The following MBD5 variants were observed in gnomAD, a reference collection of about 807,000 sequenced individuals.
MBD5 encodes the protein methyl-CpG binding domain protein 5.
A neutral mutation model predicts 117.3 loss-of-function variants in MBD5; 13 were observed. That is an observed-to-expected ratio of 0.11 (90% CI 0.07 to 0.18). The LOEUF (loss-of-function observed/expected upper bound fraction) is 0.18, where lower values mean the gene tolerates loss of function less well. MBD5 is among the 10% of genes least tolerant of loss of function. The probability of loss-of-function intolerance (pLI) is 1.00; values close to 1 mark genes in which losing one functional copy is unlikely to be tolerated. For synonymous variants in MBD5, 727 were observed against 766.4 expected (o/e 0.95, Z 0.85); for missense variants, 1,879 against 2,093.8 (o/e 0.90, Z 2.00).
intron 3 of MBD5, among the ~76,000 whole-genome samples, chr2:148,300,540 GAA>G (rs1461848447): frequency 6.6e-6 from 1 of 151,610 alleles, no homozygotes; most frequent in Non-Finnish European, 1.5e-5. Flanking sequence ...TACCTTCCTT[GAA>G]AAGTTTTTCT....
chr2:148,207,684 G>A (rs1376167472), intron 2 of MBD5, among the ~76,000 whole-genome samples: 11 of 101,940 alleles, frequency 1.1e-4, no homozygotes, highest in African/African-American at 2.5e-4. Flanking sequence ...AGAGATACTA[G>A]AAGTTAGGAA....
At chr2:148,157,923 G>T (rs893386106) in intron 1 of MBD5, among the ~76,000 whole-genome samples, 1 of 151,994 alleles carries the variant, frequency 6.6e-6, no homozygotes, top group Non-Finnish European at 1.5e-5. Context: ...TATTCATCAC[G>T]ATGGAAATGT....
At chr2:148,316,244 A>G (rs970935924) in intron 3 of MBD5, among the ~76,000 whole-genome samples, 2 of 152,180 alleles carry the variant, frequency 1.3e-5, no homozygotes, top group Non-Finnish European at 2.9e-5. Context: ...CCAAATCACA[A>G]CACCTGCTTT....
At chr2:148,287,639 A>T (rs1701394265) in intron 3 of MBD5, among the ~76,000 whole-genome samples, 1 of 152,196 alleles carries the variant, frequency 6.6e-6, no homozygotes, top group Non-Finnish European at 1.5e-5. Flanking sequence ...GATCCTGCAG[A>T]CTGGGAAGTC....
intron 4 of MBD5, among the ~76,000 whole-genome samples, chr2:148,390,509 A>T (rs950417901): frequency 6.7e-6 from 1 of 148,624 alleles, no homozygotes; most frequent in Admixed American, 6.7e-5. Flanking sequence ...ATGTGTGTGT[A>T]TGTATATATG....
In MBD5 at chr2:148,141,482, C is replaced by T. The variant is rs970827600; in HGVS notation, c.-924-37218C>T. Among the ~76,000 whole-genome samples, 106 of 152,000 alleles carry T rather than the reference C, an allele frequency of 7.0e-4. 3 individuals carry two copies. Among genetic ancestry groups the T allele is most frequent in the Admixed American group, 1.2e-3 (18 of 15,244 alleles). ...TCTAATAATTGAAGGAAAGCATTTA[C>T]CATGAAACAAAATGAAACAAATAGT... is the stretch of plus-strand genomic sequence containing the variant. On this transcript the variant is annotated intron_variant, in intron 1 of 13. Transcript: ENST00000642680.
chr2:148,476,162 C>T (rs915199256), intron 8 of MBD5, among the ~76,000 whole-genome samples: 1 of 152,000 alleles, frequency 6.6e-6, no homozygotes, highest in African/African-American at 2.4e-5. Context: ...GAGCAGGGCT[C>T]CTGTGCTGCA....
intron 8 of MBD5, 44 bp from the exon 9 acceptor site, chr2:148,483,066 A>G: frequency 6.3e-6 from 10 of 1,586,562 alleles, no homozygotes; most frequent in Non-Finnish European, 8.5e-6. Context: ...CATAACATTC[A>G]TGATTAATAA....
intron 1 of MBD5, among the ~76,000 whole-genome samples, chr2:148,120,578 C>T (rs1236888588): frequency 1.3e-5 from 2 of 151,924 alleles, no homozygotes; most frequent in African/African-American, 4.8e-5. Flanking sequence ...CTTCACTGTC[C>T]AACTGTTTAT....
chr2:148,156,253 A>T (rs1444694360), intron 1 of MBD5, among the ~76,000 whole-genome samples: 1 of 152,252 alleles, frequency 6.6e-6, no homozygotes, highest in Non-Finnish European at 1.5e-5. Flanking sequence ...TTTAAACTGT[A>T]TAACATAGCA....
chr2:148,427,416 T>C (rs1705833500), intron 4 of MBD5, among the ~76,000 whole-genome samples: 1 of 152,134 alleles, frequency 6.6e-6, no homozygotes, highest in South Asian at 2.1e-4. Context: ...TGTCCAACAA[T>C]GATAGACTGG....
intron 4 of MBD5, among the ~76,000 whole-genome samples, chr2:148,402,730 T>C (rs1704961237): frequency 6.6e-6 from 1 of 152,240 alleles, no homozygotes; most frequent in South Asian, 2.1e-4. Flanking sequence ...TATGTTCCAC[T>C]ATATGGATAT....
chr2:148,255,953 A>G (rs1050313678), intron 3 of MBD5, among the ~76,000 whole-genome samples: 10 of 152,264 alleles, frequency 6.6e-5, no homozygotes, highest in East Asian at 1.9e-4. Flanking sequence ...TACAGGGGAC[A>G]TAAGTATTTC....
At chr2:148,431,997 G>A (rs1485969128) in intron 4 of MBD5, among the ~76,000 whole-genome samples, 4 of 147,816 alleles carry the variant, frequency 2.7e-5, no homozygotes, top group East Asian at 2.0e-4. Context: ...TTATACTCCC[G>A]TTAGCACTCA....
At chr2:148,229,076 A>AT (rs1159511901) in intron 2 of MBD5, among the ~76,000 whole-genome samples, 4 of 151,358 alleles carry the variant, frequency 2.6e-5, no homozygotes, top group South Asian at 2.1e-4. Context: ...GGATTCATTG[A>AT]TTTTTTTGAA....
intron 3 of MBD5, among the ~76,000 whole-genome samples, chr2:148,259,864 C>G (rs562662885): frequency 6.6e-6 from 1 of 152,108 alleles, no homozygotes. Context: ...CTGACTGAAG[C>G]GCAGCCATTT....
chr2:148,028,658 A>G (rs1693963532), intron 1 of MBD5: 1 of 152,064 alleles, frequency 6.6e-6, no homozygotes, highest in South Asian at 2.1e-4. Context: ...AATATTCCAC[A>G]TTCAATAAAA....
intron 1 of MBD5, among the ~76,000 whole-genome samples, chr2:148,165,259 G>T (rs1191436057): frequency 6.6e-6 from 1 of 152,010 alleles, no homozygotes; most frequent in African/African-American, 2.4e-5. Flanking sequence ...GTTAGACAGT[G>T]AATATATTTT....
intron 4 of MBD5, among the ~76,000 whole-genome samples, chr2:148,383,597 C>G (rs1704231342): frequency 6.6e-6 from 1 of 152,038 alleles, no homozygotes; most frequent in South Asian, 2.1e-4. Flanking sequence ...TCCTCCCTAA[C>G]TCATTTTATG....
Sources: allele counts gnomAD v4.1 joint callset (sites outside exome capture counted in the v4.1 genomes callset), GRCh38; gene constraint gnomAD v4.1.1; transcripts MANE v1.5; gene names NCBI Gene and HGNC (gene_info 2026-07-23, HGNC 2026-07-21).